The following SOX5 variants were observed in gnomAD, a reference collection of about 807,000 sequenced individuals.
SOX5 encodes the protein transcription factor SOX-5.
A neutral mutation model predicts 92.0 loss-of-function variants in SOX5; 9 were observed. That is an observed-to-expected ratio of 0.10 (90% CI 0.06 to 0.17). The LOEUF (loss-of-function observed/expected upper bound fraction) is 0.17, where lower values mean the gene tolerates loss of function less well. Ranked by LOEUF, SOX5 falls within the 10% of genes least tolerant of loss-of-function variation. The pLI, the probability that SOX5 is intolerant of heterozygous loss-of-function variation, is 1.00. For synonymous variants in SOX5, 344 were observed against 336.3 expected, an observed-to-expected ratio of 1.02 and a Z score of -0.25; for missense variants, 642 against 944.5, an observed-to-expected ratio of 0.68 and a Z score of 4.20.
At chr12:24,475,337 G>A (rs942727758) in intron 1 of SOX5, among the ~76,000 whole-genome samples, 13 of 152,142 alleles carry the variant, frequency 8.5e-5, no homozygotes, top group African/African-American at 3.1e-4. Flanking sequence ...AACAAAACAT[G>A]GTTCAAGTCT....
At chr12:23,964,881 C>T (rs899677459) in intron 4 of SOX5, among the ~76,000 whole-genome samples, 7 of 152,282 alleles carry the variant, frequency 4.6e-5, no homozygotes, top group Admixed American at 4.6e-4. Context: ...CGACAGATGA[C>T]CCATAATATC....
chr12:23,640,985 C>T, intron 7 of SOX5, 88 bp from the exon 8 acceptor site: 2 of 891,488 alleles, frequency 2.2e-6, no homozygotes, highest in East Asian at 2.6e-5. Context: ...TTCCAAAAGC[C>T]TTCTTTTGTG....
intron 2 of SOX5, among the ~76,000 whole-genome samples, chr12:24,359,108 C>T (rs940484322): frequency 6.6e-6 from 1 of 152,174 alleles, no homozygotes; most frequent in Non-Finnish European, 1.5e-5. Flanking sequence ...ACTACGTTTG[C>T]TTTGGCTTGA....
intron 4 of SOX5, among the ~76,000 whole-genome samples, chr12:24,099,727 C>T (rs1945855671): frequency 6.6e-6 from 1 of 152,090 alleles, no homozygotes; most frequent in Non-Finnish European, 1.5e-5. Flanking sequence ...CTATTGGTTT[C>T]TTGAAGATGT....
In SOX5 at chr12:23,740,948, G is replaced by C. The variant is rs770897908; in HGVS notation, c.660C>G (p.His220Gln). 9 of 1,612,402 alleles carry C rather than the reference G, an allele frequency of 5.6e-6. No individual in the cohort carries two copies. Among genetic ancestry groups the C allele is most frequent in the Non-Finnish European group, 6.8e-6 (8 of 1,178,984 alleles). ...TSLREQLLAA[H>Q]DEQKKLAASQ... ...AGGCAGCTAGTTTCTTCTGCTCATC[G>C]TGGGCAGCCAACAGCTGCTCTCGGA... The change falls in exon 5 of 15, where the codon CAC becomes CAG. Residue 220 changes from histidine (H) to glutamine (Q), a missense_variant. Around this residue, in one of 8 missense-constraint regions of SOX5, gnomAD observed 324 missense variants for 461.6 expected, o/e 0.70. Transcript: ENST00000451604.
At chr12:24,257,264 A>G (rs1177748262) in intron 3 of SOX5, among the ~76,000 whole-genome samples, 1 of 152,220 alleles carries the variant, frequency 6.6e-6, no homozygotes, top group Non-Finnish European at 1.5e-5. Context: ...TCATTTGATC[A>G]TATGTTTTGT....
intron 4 of SOX5, among the ~76,000 whole-genome samples, chr12:24,210,641 T>C: frequency 6.6e-6 from 1 of 152,310 alleles, no homozygotes; most frequent in South Asian, 2.1e-4. Context: ...TTAAATATTA[T>C]ATATCATTAT....
chr12:23,583,586 T>C (rs766760756), intron 9 of SOX5, among the ~76,000 whole-genome samples: 8 of 152,128 alleles, frequency 5.3e-5, no homozygotes, highest in Non-Finnish European at 1.0e-4. Flanking sequence ...CCTATAGTGT[T>C]CATTACGGCT....
chr12:24,376,131 T>C (rs1957238243), intron 1 of SOX5, among the ~76,000 whole-genome samples: 1 of 152,222 alleles, frequency 6.6e-6, no homozygotes, highest in South Asian at 2.1e-4. Flanking sequence ...AAAACTGTCA[T>C]AAATCTGAGA....
chr12:24,363,927 GA>G (rs1294375277), intron 2 of SOX5, among the ~76,000 whole-genome samples: 2 of 152,156 alleles, frequency 1.3e-5, no homozygotes, highest in Non-Finnish European at 2.9e-5. Flanking sequence ...TCCTTCCCAG[GA>G]AAGAATGGAT....
intron 3 of SOX5, among the ~76,000 whole-genome samples, chr12:23,801,374 C>T (rs749718122): frequency 6.6e-6 from 1 of 151,988 alleles, no homozygotes; most frequent in Non-Finnish European, 1.5e-5. Flanking sequence ...CTTCCAAACC[C>T]ATTTAAACCT....
At chr12:24,049,523 T>C (rs1385050676) in intron 4 of SOX5, among the ~76,000 whole-genome samples, 1 of 152,098 alleles carries the variant, frequency 6.6e-6, no homozygotes, top group African/African-American at 2.4e-5. Context: ...TTTGTCAATA[T>C]GATTTTTAGT....
intron 1 of SOX5, among the ~76,000 whole-genome samples, chr12:24,504,880 T>A (rs1948568206): frequency 6.6e-6 from 1 of 152,200 alleles, no homozygotes; most frequent in South Asian, 2.1e-4. Flanking sequence ...ACTCTCACTT[T>A]TTTTGTTTTT....
At chr12:24,236,644 G>C (rs758296590) in intron 3 of SOX5, among the ~76,000 whole-genome samples, 1 of 152,202 alleles carries the variant, frequency 6.6e-6, no homozygotes, top group African/African-American at 2.4e-5. Flanking sequence ...GGAAACCAGG[G>C]AAAGATTATA....
At chr12:24,504,282 A>C (rs1597380726) in intron 1 of SOX5, among the ~76,000 whole-genome samples, 1 of 152,206 alleles carries the variant, frequency 6.6e-6, no homozygotes, top group Non-Finnish European at 1.5e-5. Context: ...TTCTTACAGG[A>C]CTAACTGGTT....
chr12:23,817,008 C>T (rs1594743192), intron 3 of SOX5, among the ~76,000 whole-genome samples: 1 of 152,222 alleles, frequency 6.6e-6, no homozygotes, highest in East Asian at 1.9e-4. Flanking sequence ...GCCAGCATGA[C>T]ATCTGAACAT....
chr12:24,111,747 G>A (rs1947371430), intron 4 of SOX5, among the ~76,000 whole-genome samples: 2 of 151,960 alleles, frequency 1.3e-5, no homozygotes, highest in African/African-American at 4.8e-5. Context: ...ATTCTTCATG[G>A]CAATTCTTCA....
intron 2 of SOX5, among the ~76,000 whole-genome samples, chr12:24,316,277 T>C (rs991262702): frequency 8.5e-5 from 13 of 152,162 alleles, no homozygotes; most frequent in African/African-American, 3.1e-4. Flanking sequence ...GGGTCTATCG[T>C]GACACCCAGT....
At chr12:23,568,185 AG>A (rs1947485965) in intron 10 of SOX5, among the ~76,000 whole-genome samples, 1 of 152,152 alleles carries the variant, frequency 6.6e-6, no homozygotes, top group Non-Finnish European at 1.5e-5. Context: ...TAGGGGAGAA[AG>A]CCAAGTGAAT....
Sources: gnomAD v4.1 joint callset for allele counts (sites outside exome capture counted in the v4.1 genomes callset) on GRCh38, gnomAD v4.1.1 for gene constraint, gnomAD v4.1.1 regional missense constraint, MANE v1.5 for transcripts, NCBI Gene and HGNC (gene_info 2026-07-23, HGNC 2026-07-21) for gene names.